NRXN1: variants seen among roughly 807,000 people sequenced by gnomAD.
The protein encoded by NRXN1 is neurexin 1.
In NRXN1, 39 loss-of-function variants were observed where a neutral mutation model predicts 150.9. That is an observed-to-expected ratio of 0.26 (90% CI 0.20 to 0.34). NRXN1 has a LOEUF of 0.34. Ranked by LOEUF, NRXN1 falls within the 10% of genes least tolerant of loss-of-function variation. The probability of loss-of-function intolerance (pLI) is 1.00; values close to 1 mark genes in which losing one functional copy is unlikely to be tolerated. For missense variants in NRXN1, 1,815 were observed against 1,949.9 expected, an observed-to-expected ratio of 0.93 and a Z score of 1.30; for synonymous variants, 924 against 757.0, an observed-to-expected ratio of 1.22 and a Z score of -3.62.
At chr2:50,606,582 T>C (rs1445208247) in intron 8 of NRXN1, among the ~76,000 whole-genome samples, 1 of 148,560 alleles carries the variant, frequency 6.7e-6, no homozygotes, top group Non-Finnish European at 1.5e-5. Flanking sequence ...GCTAAGTGGG[T>C]AGATCCTATG....
chr2:50,496,697 T>G (rs1192521195), intron 14 of NRXN1, among the ~76,000 whole-genome samples: 7 of 152,182 alleles, frequency 4.6e-5, no homozygotes, highest in Non-Finnish European at 8.8e-5. Context: ...TGACTCACAG[T>G]GGTAGAAATC....
At chr2:50,542,207 G>C (rs1250298913) in intron 9 of NRXN1, among the ~76,000 whole-genome samples, 1 of 152,082 alleles carries the variant, frequency 6.6e-6, no homozygotes, top group African/African-American at 2.4e-5. Flanking sequence ...CTTGAACCTG[G>C]GAGGCAGAGG....
chr2:50,150,096 C>T (rs1045468367), intron 18 of NRXN1, among the ~76,000 whole-genome samples: 1 of 151,686 alleles, frequency 6.6e-6, no homozygotes, highest in African/African-American at 2.4e-5. Context: ...AGATAATTCT[C>T]CTTTAAGTAG....
intron 5 of NRXN1, among the ~76,000 whole-genome samples, chr2:50,914,023 C>A (rs918225216): frequency 4.6e-5 from 7 of 151,670 alleles, no homozygotes; most frequent in East Asian, 1.9e-4. Flanking sequence ...ACTCTCTTTT[C>A]GAAAGGACAA....
chr2:50,740,857 T>A (rs962672550), intron 5 of NRXN1, among the ~76,000 whole-genome samples: 1 of 152,166 alleles, frequency 6.6e-6, no homozygotes, highest in African/African-American at 2.4e-5. Context: ...TTGAAGCAAT[T>A]CACTTTTGGA....
intron 17 of NRXN1, among the ~76,000 whole-genome samples, chr2:50,409,115 C>G (rs1235177350): frequency 6.6e-6 from 1 of 152,122 alleles, no homozygotes; most frequent in East Asian, 1.9e-4. Context: ...GATTTTTCCT[C>G]TATATAATCT....
chr2:50,305,683 G>A (rs2074549155), intron 17 of NRXN1, among the ~76,000 whole-genome samples: 1 of 152,166 alleles, frequency 6.6e-6, no homozygotes, highest in Admixed American at 6.5e-5. Context: ...ACAATTTTAT[G>A]AGAAAGTCTA....
chr2:50,515,597 T>TGGGG (rs566557714), intron 12 of NRXN1, among the ~76,000 whole-genome samples: 3 of 125,724 alleles, frequency 2.4e-5, no homozygotes, highest in African/African-American at 7.6e-5. Flanking sequence ...ATTAAATGCT[T>TGGGG]GGGGTGTGTG....
At chr2:50,887,185 C>T (rs1680378255) in intron 5 of NRXN1, among the ~76,000 whole-genome samples, 1 of 151,428 alleles carries the variant, frequency 6.6e-6, no homozygotes, top group African/African-American at 2.4e-5. Flanking sequence ...TTACGTTAGA[C>T]TGTTCTCCAT....
chr2:50,801,168 T>C (rs1223930627), intron 5 of NRXN1, among the ~76,000 whole-genome samples: 2 of 152,180 alleles, frequency 1.3e-5, no homozygotes, highest in African/African-American at 2.4e-5. Context: ...ATCAGGCTTA[T>C]TTATGTCAAA....
At chr2:50,163,661 C>T (rs930981477) in intron 18 of NRXN1, among the ~76,000 whole-genome samples, 1 of 152,096 alleles carries the variant, frequency 6.6e-6, no homozygotes, top group African/African-American at 2.4e-5. Flanking sequence ...CTTGCCTGAT[C>T]AAACCTCACA....
At chr2:50,711,339 T>G (rs1695117515) in intron 5 of NRXN1, among the ~76,000 whole-genome samples, 1 of 149,344 alleles carries the variant, frequency 6.7e-6, no homozygotes, top group Non-Finnish European at 1.5e-5. Flanking sequence ...CTTTTTTTTT[T>G]TTTTTTTTTT....
At position 50,800,762 on chromosome 2, in the gene NRXN1, C is replaced by T. The variant is rs1464227679; in HGVS notation, c.832+121107G>A. On this transcript the variant is annotated intron_variant, in intron 5 of 22. Coordinates refer to ENST00000401669, the MANE Select transcript of NRXN1 (RefSeq NM_001330078.2). ...ACGGGGTTTCACCATGTTGGTCAGCCTGTTCTCGAACTCCTGACTTTAGGT... is the reference window on the plus strand; with the variant it reads ...ACGGGGTTTCACCATGTTGGTCAGCTTGTTCTCGAACTCCTGACTTTAGGT... 6.6e-5 allele frequency among the ~76,000 whole-genome samples: 10 copies of T among 152,254 alleles called. No individual in the cohort carries two copies. The East Asian group carries it at 1.4e-3, about 21-fold the overall frequency.
At chr2:50,037,648 T>C (rs1378477521) in intron 21 of NRXN1, among the ~76,000 whole-genome samples, 1 of 152,200 alleles carries the variant, frequency 6.6e-6, no homozygotes, top group African/African-American at 2.4e-5. Context: ...TGAATGACAA[T>C]GCAATAATGC....
chr2:51,025,346 T>C (rs1198154524), intron 2 of NRXN1, among the ~76,000 whole-genome samples: 1 of 152,308 alleles, frequency 6.6e-6, no homozygotes, highest in Middle Eastern at 3.4e-3. Flanking sequence ...AGCTATCCAT[T>C]TGCAAAATAA....
At chr2:50,069,979 T>C (rs1474851153) in intron 19 of NRXN1, among the ~76,000 whole-genome samples, 1 of 151,294 alleles carries the variant, frequency 6.6e-6, no homozygotes, top group Non-Finnish European at 1.5e-5. Flanking sequence ...GCCTCCCGAG[T>C]AGCTGGAACT....
chr2:50,570,915 T>C (rs1486471880), intron 8 of NRXN1, among the ~76,000 whole-genome samples: 1 of 152,162 alleles, frequency 6.6e-6, no homozygotes, highest in African/African-American at 2.4e-5. Context: ...CACCTTACCC[T>C]ATGCTAGATA....
chr2:49,952,335 A>G (rs913338485), intron 21 of NRXN1, among the ~76,000 whole-genome samples: 1 of 151,992 alleles, frequency 6.6e-6, no homozygotes, highest in African/African-American at 2.4e-5. Flanking sequence ...TCCTGAAGAA[A>G]TACACACAGA....
At position 50,185,995 on chromosome 2, in the gene NRXN1, T is replaced by C. The variant is rs1043132730; in HGVS notation, c.3546+50794A>G. On this transcript the variant is annotated intron_variant, in intron 18 of 22. Transcript: ENST00000401669. ...AAATGTTAAAATAACTTAGTAGAGA[T>C]GCAGATATTTATAGCAGTTAAATAC... Among the ~76,000 whole-genome samples the C allele has an allele frequency of 3.9e-5, 6 of 152,072 alleles. 1 individual carries two copies. Among genetic ancestry groups the C allele is most frequent in the Admixed American group, 3.3e-4 (5 of 15,238 alleles).
Sources: gnomAD v4.1 joint callset for allele counts (sites outside exome capture counted in the v4.1 genomes callset) on GRCh38, gnomAD v4.1.1 for gene constraint, MANE v1.5 for transcripts, NCBI Gene and HGNC (gene_info 2026-07-23, HGNC 2026-07-21) for gene names.